Variants in EIF4E3 observed in about 807,000 individuals in gnomAD.
The protein encoded by EIF4E3 is eukaryotic translation initiation factor 4E family member 3, also known as eukaryotic translation initiation factor 4E type 3.
A neutral mutation model predicts 31.7 loss-of-function variants in EIF4E3; 26 were observed. The ratio of observed to expected loss-of-function variants is 0.82; its 90% CI spans 0.60 to 1.14. EIF4E3 has a LOEUF of 1.14. EIF4E3 is among the 50% of genes most tolerant of loss of function. The pLI, the probability that EIF4E3 is intolerant of heterozygous loss-of-function variation, is 0.00. For missense variants in EIF4E3, 304 were observed against 270.9 expected, an observed-to-expected ratio of 1.12 and a Z score of -0.86; for synonymous variants, 128 against 107.7, an observed-to-expected ratio of 1.19 and a Z score of -1.17.
intron 1 of EIF4E3, among the ~76,000 whole-genome samples, chr3:71,737,488 C>A (rs988547307): frequency 2.6e-5 from 4 of 152,098 alleles, no homozygotes; most frequent in Non-Finnish European, 4.4e-5. Flanking sequence ...AGAGTGACTG[C>A]TTAAGAGGAA....
rs1385918519 is a variant in EIF4E3 at position 71,690,036 on chromosome 3, A to T, written c.602T>A (p.Ile201Lys). 6.2e-7 allele frequency: 1 copy of T among 1,612,952 alleles called. No homozygotes were observed. Among genetic ancestry groups the T allele is most frequent in the Admixed American group, 1.7e-5 (1 of 59,738 alleles). ...LEKIYELLPH[I>K]TFKAVFYKPH... ...TTTATAAAATACTGCTTTAAAAGTT[A>T]TGTGGGGCAGAAGTTCATAGATCTT... The change falls in exon 6 of 7, where the codon ATA (isoleucine) becomes AAA (lysine). Residue 201 changes from isoleucine to lysine, a missense_variant. Ile to Lys is a moderately radical substitution (Grantham distance 102, BLOSUM62 -3). Transcript: ENST00000425534.
the EIF4E3 span, among the ~76,000 whole-genome samples, chr3:71,664,143 C>T: frequency 6.6e-6 from 1 of 152,140 alleles, no homozygotes; most frequent in Non-Finnish European, 1.5e-5. Flanking sequence ...CAATGGGGAG[C>T]CACTGCATCA....
rs1559602441 is a variant in EIF4E3, at chr3:71,714,242, A to AAGG, written c.177-3759_177-3758insCCT. 2.2e-3 allele frequency among the ~76,000 whole-genome samples: 297 copies of AAGG among 132,008 alleles called. 2 individuals carry two copies. The highest frequency in any genetic ancestry group is 8.7e-3 in the African/African-American group (283 of 32,670). 86.6% of individuals were successfully genotyped at this position (132,008 alleles called of 152,430 possible). Reference sequence around the variant, plus strand: ...AAAAGAAAGAAAGAAGGGAAGAAGGAAAGGAAGGAAGGAAGGAAGGAAGGA... The same window carrying AAGG: ...AAAAGAAAGAAAGAAGGGAAGAAGGAAGGAAGGAAGGAAGGAAGGAAGGAAGGA... On this transcript the variant is annotated intron_variant, in intron 1 of 6. Coordinates refer to ENST00000425534, the MANE Select transcript of EIF4E3 (RefSeq NM_001134651.2).
intron 1 of EIF4E3, among the ~76,000 whole-genome samples, chr3:71,731,476 T>G (rs2049705596): frequency 1.3e-5 from 2 of 152,178 alleles, no homozygotes; most frequent in Non-Finnish European, 2.9e-5. Context: ...ACGTGTCAGC[T>G]GCACACATCA....
In EIF4E3 at chr3:71,679,750, G is replaced by A. The variant is rs1239636450; in HGVS notation, c.*4932C>T. The A allele has an allele frequency of 6.6e-6, 1 of 152,130 alleles. No homozygotes were observed. The highest frequency in any genetic ancestry group is 6.6e-5 in the Admixed American group (1 of 15,266). 9.4% of individuals were successfully genotyped at this position (152,130 alleles called of 1,614,324 possible). ...TTTAGTAACAGCTTTGCTAAGCTAC[G>A]TTTTGAAAGTGACAATTAATTTTAG... is the stretch of plus-strand genomic sequence containing the variant. On this transcript the variant is annotated 3_prime_UTR_variant, in exon 7 of 7. Transcript: ENST00000425534.
downstream of EIF4E3, among the ~76,000 whole-genome samples, chr3:71,672,519 T>C (rs1427489380): frequency 6.6e-6 from 1 of 152,194 alleles, no homozygotes; most frequent in Non-Finnish European, 1.5e-5. Context: ...AGATATCCTT[T>C]TGTTACCCTA....
the EIF4E3 span, among the ~76,000 whole-genome samples, chr3:71,670,336 C>T: frequency 1.2e-3 from 183 of 152,266 alleles, 1 homozygote; most frequent in Non-Finnish European, 2.0e-3. Context: ...GGTGCCTCTT[C>T]GCAAGGCTCG....
chr3:71,700,545 C>T (rs188185034), intron 2 of EIF4E3, among the ~76,000 whole-genome samples: 182 of 142,018 alleles, frequency 1.3e-3, no homozygotes, highest in Middle Eastern at 7.2e-3. Flanking sequence ...ACCTGGGAGG[C>T]GGAGGTTGCA....
At chr3:71,732,850 G>A (rs1001962783) in intron 1 of EIF4E3, among the ~76,000 whole-genome samples, 4 of 152,220 alleles carry the variant, frequency 2.6e-5, no homozygotes, top group South Asian at 2.1e-4. Flanking sequence ...GGGACAAATC[G>A]GTGAACCTCT....
chr3:71,687,021 A>T (rs7612939), intron 6 of EIF4E3, among the ~76,000 whole-genome samples: 14,931 of 151,696 alleles, frequency 0.098, 939 homozygotes, highest in South Asian at 0.19. Flanking sequence ...TGTTTTTGAG[A>T]CAGAGTTTTT....
Position 71,690,115 on chromosome 3 carries a change from C to T in EIF4E3, c.523G>A (p.Val175Ile), listed in dbSNP as rs749992800. Residue 175 changes from valine to isoleucine, a missense_variant, in exon 6 of 7, where the codon GTC becomes ATC. Transcript: ENST00000425534. ...SVSVRDREDV[V>I]QVWNVNASLV... ...GAGGCATTTACATTCCAGACTTGGA[C>T]GACGTCTTCTCGGTCCCGAACACTG... 5 of 1,613,516 alleles carry T rather than the reference C, an allele frequency of 3.1e-6. No homozygotes were observed. Among genetic ancestry groups the T allele is most frequent in the Admixed American group, 1.7e-5 (1 of 59,930 alleles).
chr3:71,680,366 T>C lies in EIF4E3; in HGVS notation c.*4316A>G, dbSNP rs1468845580. On this transcript the variant is annotated 3_prime_UTR_variant, in exon 7 of 7. Transcript: ENST00000425534. ...TCAAGAAATGTGAATAATAAGTAAG[T>C]ATCTGAGTGATTTTGCTGCATGCTA... 6.6e-6 allele frequency: 1 copy of C among 152,186 alleles called. No individual in the cohort carries two copies. The highest frequency in any genetic ancestry group is 1.5e-5 in the Non-Finnish European group (1 of 68,032). The allele number at this position is 152,186 out of a possible 1,614,324, so 9.4% of individuals were successfully genotyped here. A position where few individuals can be genotyped will look rare whatever the true frequency, so the allele number is the denominator to read the frequency against.
intron 6 of EIF4E3, among the ~76,000 whole-genome samples, chr3:71,686,236 G>A (rs9813162): frequency 3.9e-4 from 59 of 151,750 alleles, no homozygotes; most frequent in Non-Finnish European, 7.2e-4. Flanking sequence ...GCGATCCACC[G>A]GCCTCAGACT....
chr3:71,745,422 G>A (rs952059677), intron 1 of EIF4E3, among the ~76,000 whole-genome samples: 3 of 152,136 alleles, frequency 2.0e-5, no homozygotes, highest in Non-Finnish European at 4.4e-5. Flanking sequence ...TTAAAGATGT[G>A]TCTTATGGAA....
At position 71,704,316 on chromosome 3, in the gene EIF4E3, A is replaced by T. The variant is rs528320410; in HGVS notation, c.250-4608T>A. Among the ~76,000 whole-genome samples the T allele has an allele frequency of 1.4e-4, 22 of 152,328 alleles. 1 individual carries two copies. The highest frequency in any genetic ancestry group is 5.3e-4 in the African/African-American group (22 of 41,578). ...GAAAGGATGGGAGAGAGCCCCACCC[A>T]AAGATTGGGGATGCCTAGACCAGAG... is the stretch of plus-strand genomic sequence containing the variant. On this transcript the variant is annotated intron_variant, in intron 2 of 6. Coordinates refer to ENST00000425534, the MANE Select transcript of EIF4E3 (RefSeq NM_001134651.2).
chr3:71,735,973 C>A (rs11709303), intron 1 of EIF4E3, among the ~76,000 whole-genome samples: 41,522 of 151,906 alleles, frequency 0.27, 6,749 homozygotes, highest in East Asian at 0.61. Context: ...AAAATGAACA[C>A]CATGATTTTA....
chr3:71,730,362 G>A (rs2049692604), upstream of EIF4E3, among the ~76,000 whole-genome samples: 1 of 152,210 alleles, frequency 6.6e-6, no homozygotes, highest in South Asian at 2.1e-4. Context: ...ACTCTCAAGG[G>A]ACTGCTCTGA....
chr3:71,663,586 T>C, the EIF4E3 span, among the ~76,000 whole-genome samples: 1 of 152,116 alleles, frequency 6.6e-6, no homozygotes, highest in African/African-American at 2.4e-5. Flanking sequence ...ATCAGCAGGA[T>C]GCTTTACAAG....
In EIF4E3 at chr3:71,725,227, G is replaced by A; in HGVS notation, c.141C>T (p.Val47=). The part of the protein sequence containing the change: ...LSALQPEPGG[V]PLHSSWTFWL... ...AGAAGGTCCAGGACGAGTGCAGCGG[G>A]ACCCCGCCCGGCTCAGGCTGCAGCG... is the stretch of plus-strand genomic sequence containing the variant. The change falls in exon 1 of 7, where the codon GTC becomes GTT. Residue 47 remains valine, a synonymous_variant. Coordinates refer to ENST00000425534, the MANE Select transcript of EIF4E3 (RefSeq NM_001134651.2). The surrounding 1 kb of genome is among the most constrained non-coding windows in gnomAD (Gnocchi z 6.1). 13 of 1,134,232 alleles carry A rather than the reference G, an allele frequency of 1.1e-5. No homozygotes were observed. The highest frequency in any genetic ancestry group is 1.3e-5 in the Non-Finnish European group (12 of 919,614). 70.3% of individuals were successfully genotyped at this position (1,134,232 alleles called of 1,614,324 possible).
Sources: allele counts gnomAD v4.1 joint callset (sites outside exome capture counted in the v4.1 genomes callset), GRCh38; gene constraint gnomAD v4.1.1; non-coding constraint Gnocchi (gnomAD v3.1); transcripts MANE v1.5; gene names NCBI Gene and HGNC (gene_info 2026-07-23, HGNC 2026-07-21).